Variants in CRPPA observed in about 807,000 individuals in gnomAD.
CRPPA encodes the protein D-ribitol-5-phosphate cytidylyltransferase.
In CRPPA, 43 loss-of-function variants were observed where a neutral mutation model predicts 52.0. That is an observed-to-expected ratio of 0.83 (90% CI 0.65 to 1.07). The LOEUF is 1.07. Among genes scored for constraint, CRPPA ranks in the 50% least tolerant of loss-of-function variants. CRPPA has a pLI of 0.00. For missense variants in CRPPA, 629 were observed against 551.7 expected (o/e 1.14, Z -1.40); for synonymous variants, 250 against 203.5 (o/e 1.23, Z -1.94).
In CRPPA at chr7:16,260,781, G is replaced by C. The variant is rs1037802637; in HGVS notation, c.934-1769C>G. 2.6e-5 allele frequency among the ~76,000 whole-genome samples: 4 copies of C among 151,908 alleles called. No homozygotes were observed. In the East Asian group the frequency reaches 7.7e-4, roughly 29 times the overall value. ...CTGCATGTAGAGAATGAAAACATGA[G>C]AGATATTCTGATTCAGTTTTTTTGA... On this transcript the variant is annotated intron_variant, in intron 6 of 9. Coordinates refer to ENST00000407010, the MANE Select transcript of CRPPA (RefSeq NM_001101426.4).
chr7:16,308,211 T>C (rs1784957046), intron 4 of CRPPA, among the ~76,000 whole-genome samples: 1 of 152,176 alleles, frequency 6.6e-6, no homozygotes, highest in African/African-American at 2.4e-5. Flanking sequence ...CATTCCTTTA[T>C]AAATTACCAA....
intron 8 of CRPPA, among the ~76,000 whole-genome samples, chr7:16,220,544 C>T (rs1197544374): frequency 1.9e-5 from 2 of 107,710 alleles, no homozygotes; most frequent in Non-Finnish European, 3.8e-5. Flanking sequence ...TCTAGAAAAC[C>T]CCATTGTCTC....
Position 16,249,032 on chromosome 7 carries a change from G to A in CRPPA, c.1119+9358C>T, listed in dbSNP as rs1562584117. Among the ~76,000 whole-genome samples the A allele has an allele frequency of 2.6e-5, 4 of 152,258 alleles. No homozygotes were observed. The South Asian group carries it at 6.2e-4, about 24-fold the overall frequency. On this transcript the variant is annotated intron_variant, in intron 8 of 9. Transcript: ENST00000407010. ...TCGACCTGGGATGCTTGAGTTTGGT[G>A]CTGGGAGGGGGCGTCCACCATTGCT...
intron 8 of CRPPA, among the ~76,000 whole-genome samples, chr7:16,232,118 C>T (rs1199390791): frequency 6.6e-6 from 1 of 152,094 alleles, no homozygotes; most frequent in African/African-American, 2.4e-5. Flanking sequence ...ATCTGTGCAC[C>T]TATGTGAGAA....
intron 9 of CRPPA, among the ~76,000 whole-genome samples, chr7:16,143,955 C>T (rs779739027): frequency 9.2e-5 from 14 of 152,098 alleles, no homozygotes; most frequent in Non-Finnish European, 1.3e-4. Flanking sequence ...GATGGGGGAA[C>T]AGGAGGTCCT....
intron 8 of CRPPA, among the ~76,000 whole-genome samples, chr7:16,243,261 T>G (rs911932421): frequency 6.6e-6 from 1 of 152,176 alleles, no homozygotes; most frequent in Non-Finnish European, 1.5e-5. Context: ...CCACCATGAT[T>G]GTAAGTTTCC....
chr7:16,208,441 A>T (rs896124847), intron 9 of CRPPA, among the ~76,000 whole-genome samples: 2 of 152,210 alleles, frequency 1.3e-5, no homozygotes, highest in Non-Finnish European at 2.9e-5. Flanking sequence ...TAGGTAAAAA[A>T]AATTGCAGTC....
intron 8 of CRPPA, among the ~76,000 whole-genome samples, chr7:16,243,013 G>A (rs1305107048): frequency 6.6e-6 from 1 of 152,134 alleles, no homozygotes; most frequent in African/African-American, 2.4e-5. Context: ...TAAATGGTTT[G>A]GGTCTGTGTT....
chr7:16,176,243 A>C (rs1459870473), intron 9 of CRPPA, among the ~76,000 whole-genome samples: 1 of 152,150 alleles, frequency 6.6e-6, no homozygotes, highest in Non-Finnish European at 1.5e-5. Flanking sequence ...TAAAGAGAGA[A>C]GACCAAATGT....
chr7:16,386,048 C>A (rs1223301889), intron 2 of CRPPA, among the ~76,000 whole-genome samples: 2 of 152,172 alleles, frequency 1.3e-5, no homozygotes, highest in Non-Finnish European at 2.9e-5. Context: ...GTATCCAGGT[C>A]CCTGTCCAGT....
At chr7:16,380,848 AT>A (rs1438191404) in intron 2 of CRPPA, among the ~76,000 whole-genome samples, 5 of 151,596 alleles carry the variant, frequency 3.3e-5, no homozygotes, top group Non-Finnish European at 1.5e-5. Flanking sequence ...CCCCTTTATC[AT>A]TTTTCATTGT....
chr7:16,148,509 T>C (rs1015158775), intron 9 of CRPPA, among the ~76,000 whole-genome samples: 1 of 152,104 alleles, frequency 6.6e-6, no homozygotes, highest in African/African-American at 2.4e-5. Flanking sequence ...CTCGAGGACA[T>C]TATGTTAAGT....
chr7:16,239,137 C>CAAAAAA lies in CRPPA; in HGVS notation c.1119+19247_1119+19252dup, dbSNP rs35537101. On this transcript the variant is annotated intron_variant, in intron 8 of 9. Coordinates refer to ENST00000407010, the MANE Select transcript of CRPPA (RefSeq NM_001101426.4). Reference sequence around the variant, plus strand: ...TGAGCCACAGAGCAAGACTCTGTCTCAAAAAAAAAAAAAAAAAAAAGCCAT... The same window carrying CAAAAAA: ...TGAGCCACAGAGCAAGACTCTGTCTCAAAAAAAAAAAAAAAAAAAAAAAAAAGCCAT... Among the ~76,000 whole-genome samples the CAAAAAA allele has an allele frequency of 4.7e-4, 42 of 88,490 alleles. 3 individuals are homozygous for CAAAAAA. The highest frequency in any genetic ancestry group is 2.2e-3 in the East Asian group (6 of 2,758). The allele number at this position is 88,490 out of a possible 152,430, so 58.1% of individuals were successfully genotyped here.
chr7:16,389,972 G>A (rs1210824385), intron 2 of CRPPA, among the ~76,000 whole-genome samples: 14 of 106,106 alleles, frequency 1.3e-4, no homozygotes, highest in African/African-American at 5.0e-4. Context: ...TTTACTGCTA[G>A]CATATAGAAA....
chr7:16,122,769 G>A (rs1782502993), intron 9 of CRPPA, among the ~76,000 whole-genome samples: 1 of 152,066 alleles, frequency 6.6e-6, no homozygotes, highest in South Asian at 2.1e-4. Flanking sequence ...AGTTTAGGAA[G>A]AAAGGGTGGG....
chr7:16,237,307 A>G (rs2128404985), intron 8 of CRPPA: 1 of 152,240 alleles, frequency 6.6e-6, no homozygotes, highest in South Asian at 2.1e-4. Flanking sequence ...TATTTCTCAC[A>G]GTTCTGGAAG....
At chr7:16,400,599 C>A (rs181177279) in intron 2 of CRPPA, among the ~76,000 whole-genome samples, 38 of 152,332 alleles carry the variant, frequency 2.5e-4, no homozygotes, top group Non-Finnish European at 3.7e-4. Context: ...ACACGATTGG[C>A]ATGTGATCAA....
intron 3 of CRPPA, among the ~76,000 whole-genome samples, chr7:16,364,465 T>A (rs1786538058): frequency 1.3e-5 from 2 of 152,114 alleles, no homozygotes; most frequent in Non-Finnish European, 2.9e-5. Flanking sequence ...TTTCTATGAG[T>A]CCTGATTGAG....
At chr7:16,415,760 C>T (rs895965960) in intron 1 of CRPPA, among the ~76,000 whole-genome samples, 1 of 152,138 alleles carries the variant, frequency 6.6e-6, no homozygotes, top group Non-Finnish European at 1.5e-5. Flanking sequence ...TCTCATTCTC[C>T]CTTCTGTAGC....
Sources: gnomAD v4.1 joint callset for allele counts (sites outside exome capture counted in the v4.1 genomes callset) on GRCh38, gnomAD v4.1.1 for gene constraint, MANE v1.5 for transcripts, NCBI Gene and HGNC (gene_info 2026-07-23, HGNC 2026-07-21) for gene names.